Variants in TXLNG observed in about 807,000 individuals in gnomAD.
TXLNG encodes the protein gamma-taxilin.
Under a neutral mutation model 38.8 loss-of-function variants are expected in TXLNG, and 5 were observed. That is an observed-to-expected ratio of 0.13 (90% CI 0.07 to 0.27). The LOEUF is 0.27. TXLNG is among the 10% of genes least tolerant of loss of function. TXLNG has a pLI of 1.00. For missense variants in TXLNG, 393 were observed against 398.2 expected, an observed-to-expected ratio of 0.99 and a Z score of 0.11; for synonymous variants, 182 against 158.2, an observed-to-expected ratio of 1.15 and a Z score of -1.13.
intron 1 of TXLNG, among the ~76,000 whole-genome samples, chrX:16,804,080 C>T (rs754376440): frequency 1.5e-4 from 17 of 112,272 alleles, no homozygotes; most frequent in African/African-American, 5.2e-4. Context: ...ACTTCTAGGT[C>T]CGCAATCCAC....
intron 1 of TXLNG, among the ~76,000 whole-genome samples, chrX:16,800,102 G>A (rs1208422685): frequency 4.6e-5 from 5 of 109,656 alleles, no homozygotes; most frequent in African/African-American, 1.7e-4. Flanking sequence ...ACCACGCCCG[G>A]CTAATTTGTG....
In TXLNG at chrX:16,829,671, G is replaced by A. The variant is rs747379122; in HGVS notation, c.765G>A (p.Leu255=). ...CCTTAAATGAAATTCAAGCCCAGCT[G>A]GAGCAGCATGACATCCACAACGCCA... ...QITLNEIQAQ[L]EQHDIHNAKL... Residue 255 remains leucine, a synonymous_variant, in exon 5 of 10, where the codon CTG becomes CTA. Transcript: ENST00000380122. 5 of 1,210,331 alleles carry A rather than the reference G, an allele frequency of 4.1e-6. No individual in the cohort carries two copies. The highest frequency in any genetic ancestry group is 3.0e-5 in the East Asian group (1 of 33,812).
chrX:16,805,905 T>C (rs73207137), intron 1 of TXLNG, among the ~76,000 whole-genome samples: 1 of 112,651 alleles, frequency 8.9e-6, no homozygotes, highest in Non-Finnish European at 1.9e-5. Flanking sequence ...TTCATTTCAT[T>C]TCTTTGTTCT....
intron 1 of TXLNG, among the ~76,000 whole-genome samples, chrX:16,798,988 T>G (rs1927983996): frequency 9.1e-6 from 1 of 110,482 alleles, no homozygotes; most frequent in Non-Finnish European, 1.9e-5. Flanking sequence ...CAAGCGATTC[T>G]CCTGCCTCAG....
chrX:16,840,575 C>T (rs1418094511), intron 9 of TXLNG: 1 of 358,196 alleles, frequency 2.8e-6, no homozygotes, highest in Admixed American at 9.3e-5. Context: ...AGATCGAGAC[C>T]AGCCTGGCCA....
chrX:16,824,642 A>G (rs956791465), intron 3 of TXLNG, among the ~76,000 whole-genome samples: 3 of 110,191 alleles, frequency 2.7e-5, no homozygotes, highest in Admixed American at 9.8e-5. Context: ...AAGATGGCCA[A>G]GCGCGGTGGC....
chrX:16,818,950 T>C (rs1253258002), intron 2 of TXLNG, 73 bp downstream of exon 2: 1 of 1,061,483 alleles, frequency 9.4e-7, no homozygotes, highest in East Asian at 3.2e-5. Flanking sequence ...GCCCAGATAA[T>C]TTTGAACACA....
At chrX:16,834,656 TTC>T (rs1388292612) in intron 7 of TXLNG, among the ~76,000 whole-genome samples, 2 of 111,698 alleles carry the variant, frequency 1.8e-5, no homozygotes, top group Non-Finnish European at 3.8e-5. Flanking sequence ...CAGTGACCCT[TTC>T]TAAGAGCCCA....
Position 16,841,555 on chromosome X carries a change from T to C in TXLNG, c.1376T>C (p.Val459Ala). The change falls in exon 10 of 10, where the codon GTA (valine) becomes GCA (alanine). Residue 459 changes from valine to alanine, a missense_variant. Physicochemically the swap from Val to Ala is moderately conservative, Grantham distance 64 (BLOSUM62 0). Transcript: ENST00000380122. ...NEKVEVLKEQVSIKAAIKAAN... is the reference protein window; with the variant it reads ...NEKVEVLKEQASIKAAIKAAN... ...AAGGTGGAAGTCCTGAAAGAGCAGG[T>C]ATCCATCAAAGCGGCCATCAAAGCG... 1 of 1,211,735 alleles carries C rather than the reference T, an allele frequency of 8.3e-7. No individual in the cohort carries two copies. The highest frequency in any genetic ancestry group is 1.1e-6 in the Non-Finnish European group (1 of 895,544).
At position 16,843,622 on chromosome X, in the gene TXLNG, T is replaced by C. The variant is rs1186639196; in HGVS notation, c.*1856T>C. ...TCACATTATTTCACAAGAACTCTGC[T>C]GGATGTACAGCTCTTAACATTTTAT... On this transcript the variant is annotated 3_prime_UTR_variant, in exon 10 of 10. Transcript: ENST00000380122. 1.8e-5 allele frequency: 2 copies of C among 112,175 alleles called. No individual in the cohort carries two copies. Among genetic ancestry groups the C allele is most frequent in the East Asian group, 2.8e-4 (1 of 3,613 alleles). 9.2% of individuals were successfully genotyped at this position (112,175 alleles called of 1,213,427 possible).
chrX:16,843,589 A>G lies in TXLNG; in HGVS notation c.*1823A>G, dbSNP rs1362633647. ...AAATATAATCCACCTTAAAATTAGT[A>G]CTAATGATCACATTATTTCACAAGA... On this transcript the variant is annotated 3_prime_UTR_variant, in exon 10 of 10. Coordinates refer to ENST00000380122, the MANE Select transcript of TXLNG (RefSeq NM_018360.3). 1 of 112,016 alleles carries G rather than the reference A, an allele frequency of 8.9e-6. No individual in the cohort carries two copies. Among genetic ancestry groups the G allele is most frequent in the Non-Finnish European group, 1.9e-5 (1 of 53,227 alleles). The allele number at this position is 112,016 out of a possible 1,213,427, so 9.2% of individuals were successfully genotyped here.
chrX:16,820,841 A>G (rs1208283218), intron 3 of TXLNG, among the ~76,000 whole-genome samples: 3 of 111,307 alleles, frequency 2.7e-5, no homozygotes, highest in African/African-American at 9.8e-5. Context: ...TGATCTCAGC[A>G]GACTGCAAGC....
chrX:16,800,538 G>A (rs1602361774), intron 1 of TXLNG, among the ~76,000 whole-genome samples: 1 of 103,896 alleles, frequency 9.6e-6, no homozygotes, highest in Non-Finnish European at 2.0e-5. Context: ...GTAAGCCACC[G>A]AGCCAGGCCT....
chrX:16,787,541 A>G (rs908292354), intron 1 of TXLNG, among the ~76,000 whole-genome samples: 1 of 111,131 alleles, frequency 9.0e-6, no homozygotes, highest in African/African-American at 3.3e-5. Context: ...CTCCCTAGAT[A>G]CAGGAAAATT....
intron 7 of TXLNG, among the ~76,000 whole-genome samples, chrX:16,835,676 C>G (rs1929565752): frequency 8.9e-6 from 1 of 112,093 alleles, no homozygotes; most frequent in Non-Finnish European, 1.9e-5. Flanking sequence ...TGTCTGTGAT[C>G]TGTACCACTC....
chrX:16,832,570 C>T, intron 5 of TXLNG, 53 bp from the exon 6 acceptor site: 2 of 1,206,380 alleles, frequency 1.7e-6, no homozygotes, highest in Admixed American at 2.2e-5. Flanking sequence ...GTTTCCTCCC[C>T]ACTGTGTTCC....
intron 1 of TXLNG, among the ~76,000 whole-genome samples, chrX:16,801,798 A>G (rs1366817283): frequency 9.1e-6 from 1 of 110,356 alleles, no homozygotes; most frequent in Non-Finnish European, 1.9e-5. Flanking sequence ...TTTATTCTTA[A>G]TGTTAGTGTT....
chrX:16,829,587 G>A lies in TXLNG; in HGVS notation c.681G>A (p.Met227Ile). Reference protein sequence around the residue: ...RHNKTLKEENMQQAREEEERR... With the variant: ...RHNKTLKEENIQQAREEEERR... ...TTTTGGGTAATAAGGAGGAAAATATGCAGCAGGCACGAGAGGAAGAAGAAC... is the reference window on the plus strand; with the variant it reads ...TTTTGGGTAATAAGGAGGAAAATATACAGCAGGCACGAGAGGAAGAAGAAC... The change falls in exon 5 of 10, where the codon ATG becomes ATA. Residue 227 changes from methionine (M) to isoleucine (I), a missense_variant. Met to Ile is a conservative substitution (Grantham distance 10). Coordinates refer to ENST00000380122, the MANE Select transcript of TXLNG (RefSeq NM_018360.3). The A allele has an allele frequency of 8.3e-7, 1 of 1,210,584 alleles. No individual in the cohort carries two copies. Among genetic ancestry groups the A allele is most frequent in the Non-Finnish European group, 1.1e-6 (1 of 894,934 alleles).
intron 7 of TXLNG, 117 bp downstream of exon 7, chrX:16,834,474 C>A: frequency 2.0e-6 from 1 of 510,797 alleles, no homozygotes; most frequent in Non-Finnish European, 3.0e-6. Context: ...CCAGCCAGAG[C>A]TGACCAGGAC....
Sources: allele counts gnomAD v4.1 joint callset (sites outside exome capture counted in the v4.1 genomes callset), GRCh38; gene constraint gnomAD v4.1.1; transcripts MANE v1.5; gene names NCBI Gene and HGNC (gene_info 2026-07-23, HGNC 2026-07-21).